Variants in TMEM131 observed in about 807,000 individuals in gnomAD.
TMEM131 encodes transmembrane protein 131.
TMEM131 carries 66 observed loss-of-function variants against 211.6 expected under a neutral mutation model. The observed-to-expected ratio is 0.31, with a 90% CI of 0.26 to 0.38. The LOEUF (loss-of-function observed/expected upper bound fraction) is 0.38. TMEM131 is among the 10% of genes least tolerant of loss of function. TMEM131 has a pLI of 1.00. For missense variants in TMEM131, 2,036 were observed against 2,299.3 expected, an observed-to-expected ratio of 0.89 and a Z score of 2.34; for synonymous variants, 844 against 841.3, an observed-to-expected ratio of 1.00 and a Z score of -0.06.
intron 4 of TMEM131, among the ~76,000 whole-genome samples, chr2:97,868,595 G>C (rs116249305): frequency 0.01 from 1,537 of 152,248 alleles, 13 homozygotes; most frequent in South Asian, 0.024. Context: ...ACCCAGGGAA[G>C]CAAAATCCTG....
Position 97,815,208 on chromosome 2 carries a change from ACTT to A in TMEM131, c.1280_1282del (p.Glu427del). 1 of 1,522,530 alleles carries A rather than the reference ACTT, an allele frequency of 6.6e-7. No homozygotes were observed. The highest frequency in any genetic ancestry group is 8.8e-7 in the Non-Finnish European group (1 of 1,138,966). 94.3% of individuals were successfully genotyped at this position (1,522,530 alleles called of 1,614,324 possible). On this transcript the variant is annotated inframe_deletion, in exon 13 of 41. Coordinates refer to ENST00000186436, the MANE Select transcript of TMEM131 (RefSeq NM_015348.2). ...TTAAAAAGAAACTCACCCATCTAAA[ACTT>A]CTGCTTGATATGGTATTTCAAGTTT...
chr2:97,993,788 G>C (rs1340144136), intron 1 of TMEM131, among the ~76,000 whole-genome samples: 1 of 152,176 alleles, frequency 6.6e-6, no homozygotes, highest in Non-Finnish European at 1.5e-5. Context: ...TGAGAAATTA[G>C]CAAATATATT....
chr2:97,823,957 G>C (rs1179435832), intron 11 of TMEM131, among the ~76,000 whole-genome samples: 1 of 152,114 alleles, frequency 6.6e-6, no homozygotes, highest in Admixed American at 6.6e-5. Flanking sequence ...CAACCTCGGT[G>C]TTCTATAATA....
At chr2:97,953,542 A>G (rs1678421928) in intron 1 of TMEM131, among the ~76,000 whole-genome samples, 1 of 152,212 alleles carries the variant, frequency 6.6e-6, no homozygotes, top group South Asian at 2.1e-4. Flanking sequence ...ATAATAAAAC[A>G]AAAACTGATA....
chr2:97,835,074 A>AAC (rs1054632248), intron 8 of TMEM131, 149 bp from the exon 9 acceptor site: 9 of 742,292 alleles, frequency 1.2e-5, no homozygotes, highest in Non-Finnish European at 1.9e-5. Context: ...ACCAATATGT[A>AAC]ACACACACTC....
intron 1 of TMEM131, among the ~76,000 whole-genome samples, chr2:97,948,094 C>T (rs192199497): frequency 5.3e-5 from 8 of 151,792 alleles, no homozygotes; most frequent in East Asian, 1.9e-4. Flanking sequence ...GAAATCAACA[C>T]GGGAAAATTT....
At chr2:97,763,987 G>A (rs980803755) in intron 35 of TMEM131, 2 of 152,188 alleles carry the variant, frequency 1.3e-5, no homozygotes, top group African/African-American at 4.8e-5. Flanking sequence ...ATTTTCCTTT[G>A]TGGCTTCTGA....
rs771346778 is a variant in TMEM131, at chr2:97,796,319, G to A, written c.3099C>T (p.Thr1033=). ...CACATGAGTATCCACTGATTTCAAT[G>A]GTTTCTATGTGAATTTGAAGTTGTC... ...NTGQLQIHIE[T]IEISGYSCEG... Residue 1033 remains threonine, a synonymous_variant, in exon 28 of 41, where the codon ACC becomes ACT. Coordinates refer to ENST00000186436, the MANE Select transcript of TMEM131 (RefSeq NM_015348.2). 9 of 1,555,370 alleles carry A rather than the reference G, an allele frequency of 5.8e-6. No individual in the cohort carries two copies. The highest frequency in any genetic ancestry group is 7.8e-6 in the Non-Finnish European group (9 of 1,150,916).
chr2:97,922,245 A>T (rs966520526), intron 2 of TMEM131, among the ~76,000 whole-genome samples: 1 of 152,148 alleles, frequency 6.6e-6, no homozygotes, highest in Non-Finnish European at 1.5e-5. Context: ...CAGGAGGCTG[A>T]GCTCAGGAGG....
intron 31 of TMEM131, among the ~76,000 whole-genome samples, chr2:97,789,858 T>C (rs746775019): frequency 6.6e-6 from 1 of 152,162 alleles, no homozygotes; most frequent in Non-Finnish European, 1.5e-5. Context: ...AGGCCAACCA[T>C]GAACAGGCGG....
chr2:97,898,912 T>C (rs768347195), intron 3 of TMEM131, among the ~76,000 whole-genome samples: 3 of 152,280 alleles, frequency 2.0e-5, no homozygotes, highest in South Asian at 4.1e-4. Flanking sequence ...CTATATAATC[T>C]GCTCTTGGTG....
intron 2 of TMEM131, among the ~76,000 whole-genome samples, chr2:97,910,664 G>A (rs1011780509): frequency 3.3e-5 from 5 of 152,140 alleles, no homozygotes; most frequent in African/African-American, 4.8e-5. Context: ...CATTCTAACC[G>A]GTGTGAGATG....
intron 11 of TMEM131, among the ~76,000 whole-genome samples, chr2:97,825,024 A>G (rs1044654507): frequency 1.3e-5 from 2 of 152,200 alleles, no homozygotes; most frequent in Non-Finnish European, 2.9e-5. Flanking sequence ...CTGGACCTCA[A>G]GAATGTCTTC....
intron 1 of TMEM131, among the ~76,000 whole-genome samples, chr2:97,951,704 C>T (rs1000870409): frequency 6.6e-6 from 1 of 152,164 alleles, no homozygotes; most frequent in Non-Finnish European, 1.5e-5. Flanking sequence ...AAAACACAAA[C>T]ACGCATACAC....
intron 11 of TMEM131, among the ~76,000 whole-genome samples, chr2:97,832,015 A>AG (rs1682721027): frequency 1.3e-5 from 2 of 149,734 alleles, no homozygotes; most frequent in South Asian, 4.2e-4. Flanking sequence ...AAAAAAAAAA[A>AG]AAAAAAAAAA....
intron 33 of TMEM131, among the ~76,000 whole-genome samples, chr2:97,766,977 C>G (rs1679199038): frequency 1.3e-5 from 2 of 152,176 alleles, no homozygotes; most frequent in Non-Finnish European, 2.9e-5. Context: ...GTGAGTCTCT[C>G]CCAGCATCTA....
intron 1 of TMEM131, among the ~76,000 whole-genome samples, chr2:97,943,078 A>G (rs1677866442): frequency 6.9e-6 from 1 of 145,788 alleles, no homozygotes; most frequent in Non-Finnish European, 1.5e-5. Context: ...AGAAAGAAAG[A>G]AAGAAAGAAA....
intron 2 of TMEM131, among the ~76,000 whole-genome samples, chr2:97,917,306 T>G (rs543241569): frequency 6.6e-6 from 1 of 152,230 alleles, no homozygotes; most frequent in African/African-American, 2.4e-5. Flanking sequence ...CCGAAAAAGT[T>G]TGCCAACATC....
chr2:97,907,837 A>G (rs1676135538), intron 3 of TMEM131, among the ~76,000 whole-genome samples: 1 of 152,208 alleles, frequency 6.6e-6, no homozygotes, highest in Admixed American at 6.5e-5. Context: ...GGCGCTCACT[A>G]GAACAGGTAC....
Sources: allele counts gnomAD v4.1 joint callset (sites outside exome capture counted in the v4.1 genomes callset), GRCh38; gene constraint gnomAD v4.1.1; transcripts MANE v1.5; gene names NCBI Gene and HGNC (gene_info 2026-07-23, HGNC 2026-07-21).